Variants in INVS observed in about 807,000 individuals in gnomAD.
INVS encodes the protein inversin.
In INVS, 86 loss-of-function variants were observed where a neutral mutation model predicts 108.8. That is an observed-to-expected ratio of 0.79 (90% CI 0.66 to 0.95). The LOEUF is 0.95. INVS is among the 40% of genes least tolerant of loss of function. The probability of loss-of-function intolerance (pLI) is 0.00; values close to 1 mark genes in which losing one functional copy is unlikely to be tolerated. For synonymous variants in INVS, 455 were observed against 473.5 expected, an observed-to-expected ratio of 0.96 and a Z score of 0.51; for missense variants, 1,169 against 1,297.4, an observed-to-expected ratio of 0.90 and a Z score of 1.52.
chr9:100,296,902 C>T lies in INVS; in HGVS notation c.2787-15C>T, dbSNP rs1469150619. On this transcript the variant is annotated splice_polypyrimidine_tract_variant and intron_variant, in intron 14 of 16. Coordinates refer to ENST00000262457, the MANE Select transcript of INVS (RefSeq NM_014425.5). ...CTGTGATCTTAAAGCCTCTCCTCTC[C>T]TCTGACCCAACCAGCTACCAGCTCA... 1 of 1,610,372 alleles carries T rather than the reference C, an allele frequency of 6.2e-7. No homozygotes were observed. The highest frequency in any genetic ancestry group is 2.2e-5 in the East Asian group (1 of 44,850).
intron 3 of INVS, among the ~76,000 whole-genome samples, chr9:100,216,124 T>C (rs569381183): frequency 6.6e-6 from 1 of 152,304 alleles, no homozygotes; most frequent in East Asian, 1.9e-4. Context: ...AAGTGTCTGA[T>C]TGGCAGCCAC....
In INVS at chr9:100,100,666, A is replaced by ATATGTACATATAATATATATAT. The variant is rs1826831573; in HGVS notation, c.-25+1253_-25+1254insGTACATATAATATATATATTAT. On this transcript the variant is annotated intron_variant, in intron 1 of 16. Coordinates refer to ENST00000262457, the MANE Select transcript of INVS (RefSeq NM_014425.5). ...TATATGTATATATAATATATATATT[A>ATATGTACATATAATATATATAT]TATATGTACATATAATATATATATT... Among the ~76,000 whole-genome samples, 6 of 22,204 alleles carry ATATGTACATATAATATATATAT rather than the reference A, an allele frequency of 2.7e-4. 1 individual carries two copies. Among genetic ancestry groups the ATATGTACATATAATATATATAT allele is most frequent in the African/African-American group, 1.3e-3 (3 of 2,320 alleles). The allele number at this position is 22,204 out of a possible 152,430, so 14.6% of individuals were successfully genotyped here.
intron 10 of INVS, among the ~76,000 whole-genome samples, chr9:100,260,940 G>A (rs1177819337): frequency 2.6e-5 from 4 of 152,042 alleles, no homozygotes; most frequent in African/African-American, 7.2e-5. Context: ...GCAACCAATC[G>A]TTTATTAATA....
intron 3 of INVS, among the ~76,000 whole-genome samples, chr9:100,146,702 A>G (rs1828629402): frequency 6.6e-6 from 1 of 152,222 alleles, no homozygotes; most frequent in Admixed American, 6.5e-5. Flanking sequence ...ACAGTTTGTT[A>G]GGTGAAATTA....
chr9:100,273,527 C>A (rs201047340), intron 12 of INVS, among the ~76,000 whole-genome samples: 1 of 96,322 alleles, frequency 1.0e-5, no homozygotes, highest in South Asian at 4.3e-4. Flanking sequence ...CCACTCAGTT[C>A]TTTTTTTTTT....
Position 100,256,590 on chromosome 9 carries a change from T to C in INVS, c.1464+3454T>C, listed in dbSNP as rs372124740. On this transcript the variant is annotated intron_variant, in intron 10 of 16. Transcript: ENST00000262457. ...TTCCCTTTACACAGTGTTTTAAATG[T>C]GTCCCAGAGATTCTGGTGTGTTGTG... Among the ~76,000 whole-genome samples, 3 of 152,260 alleles carry C rather than the reference T, an allele frequency of 2.0e-5. No homozygotes were observed. The East Asian group carries it at 5.8e-4, about 29-fold the overall frequency.
intron 1 of INVS, among the ~76,000 whole-genome samples, chr9:100,100,907 ATATAT>A (rs1343513952): frequency 1.4e-4 from 7 of 50,014 alleles, no homozygotes; most frequent in Admixed American, 3.3e-4. Context: ...ATATATGTAT[ATATAT>A]TATATGTATA....
intron 1 of INVS, 150 bp from the exon 2 acceptor site, chr9:100,104,348 T>C: frequency 1.5e-6 from 1 of 657,148 alleles, no homozygotes. Flanking sequence ...TACAGATATG[T>C]ACCACTGCAC....
intron 10 of INVS, among the ~76,000 whole-genome samples, chr9:100,258,922 G>A (rs899004306): frequency 6.6e-6 from 1 of 152,228 alleles, no homozygotes; most frequent in Non-Finnish European, 1.5e-5. Context: ...CATGCTGGGA[G>A]AACCACTACT....
chr9:100,255,183 C>A (rs946938678), intron 10 of INVS, among the ~76,000 whole-genome samples: 1 of 152,002 alleles, frequency 6.6e-6, no homozygotes, highest in African/African-American at 2.4e-5. Context: ...GAAGACATTG[C>A]GAATGGGAGT....
At chr9:100,295,936 TGTG>T (rs1244988720) in intron 14 of INVS, among the ~76,000 whole-genome samples, 1 of 152,194 alleles carries the variant, frequency 6.6e-6, no homozygotes, top group Non-Finnish European at 1.5e-5. Flanking sequence ...TTTTTGGAAA[TGTG>T]GTACGTATTC....
At chr9:100,100,788 A>ATATG (rs1427548845) in intron 1 of INVS, among the ~76,000 whole-genome samples, 1,130 of 6,000 alleles carry the variant, frequency 0.19, 312 homozygotes, top group East Asian at 0.47. Flanking sequence ...AATATATATT[A>ATATG]TATATATAAT....
At chr9:100,106,403 A>G (rs944829528) in intron 2 of INVS, among the ~76,000 whole-genome samples, 1 of 152,018 alleles carries the variant, frequency 6.6e-6, no homozygotes, top group African/African-American at 2.4e-5. Context: ...AACATGCTTC[A>G]TTGTTTCCAT....
chr9:100,206,536 G>A (rs1254398813), intron 3 of INVS, among the ~76,000 whole-genome samples: 1 of 151,908 alleles, frequency 6.6e-6, no homozygotes, highest in African/African-American at 2.4e-5. Flanking sequence ...TGTAGATATT[G>A]CCTTCTGAAT....
intron 10 of INVS, among the ~76,000 whole-genome samples, chr9:100,263,112 C>T (rs1039415086): frequency 3.9e-5 from 6 of 152,056 alleles, no homozygotes; most frequent in Non-Finnish European, 7.4e-5. Flanking sequence ...TTTCTAACTT[C>T]TAATTTCTAT....
chr9:100,234,590 A>T (rs1831619064), intron 5 of INVS, among the ~76,000 whole-genome samples: 1 of 152,158 alleles, frequency 6.6e-6, no homozygotes, highest in Non-Finnish European at 1.5e-5. Context: ...GTTTCAAAGA[A>T]CTTATTTATT....
chr9:100,116,107 C>T (rs1187941404), intron 2 of INVS, among the ~76,000 whole-genome samples: 9 of 128,728 alleles, frequency 7.0e-5, no homozygotes, highest in Admixed American at 2.4e-4. Context: ...TCTTTTTTTT[C>T]TTTTTTTTTT....
rs548691703 is a variant in INVS, at chr9:100,112,683, C to CA, written c.106+8067dup. On this transcript the variant is annotated intron_variant, in intron 2 of 16. Transcript: ENST00000262457. Reference sequence around the variant, plus strand: ...GATGAGCTAAAAAAAAAAAAAATCGCAAAAAAAAAAATCTCATAATGTTTT... The same window carrying CA: ...GATGAGCTAAAAAAAAAAAAAATCGCAAAAAAAAAAAATCTCATAATGTTTT... Among the ~76,000 whole-genome samples, 497 of 143,632 alleles carry CA rather than the reference C, an allele frequency of 3.5e-3. 2 individuals are homozygous for CA. The highest frequency in any genetic ancestry group is 5.3e-3 in the Non-Finnish European group (342 of 65,118). The allele number at this position is 143,632 out of a possible 152,430, so 94.2% of individuals were successfully genotyped here. A position where few individuals can be genotyped will look rare whatever the true frequency, so the allele number is the denominator to read the frequency against.
intron 3 of INVS, chr9:100,214,948 C>T (rs966679275): frequency 1.3e-5 from 2 of 152,248 alleles, no homozygotes; most frequent in African/African-American, 4.8e-5. Context: ...TGCTTTCCTT[C>T]TTTGGCCACA....
Sources: gnomAD v4.1 joint callset for allele counts (sites outside exome capture counted in the v4.1 genomes callset) on GRCh38, gnomAD v4.1.1 for gene constraint, MANE v1.5 for transcripts, NCBI Gene and HGNC (gene_info 2026-07-23, HGNC 2026-07-21) for gene names.